The following NOS1AP variants were observed in gnomAD, a reference collection of about 807,000 sequenced individuals.
NOS1AP encodes carboxyl-terminal PDZ ligand of neuronal nitric oxide synthase protein.
NOS1AP carries 21 observed loss-of-function variants against 56.2 expected under a neutral mutation model. That is an observed-to-expected ratio of 0.37 (90% CI 0.26 to 0.54). The LOEUF is 0.54. Ranked by LOEUF, NOS1AP falls within the 20% of genes least tolerant of loss-of-function variation. NOS1AP has a pLI of 0.84. For synonymous variants in NOS1AP, 270 were observed against 274.6 expected, an observed-to-expected ratio of 0.98 and a Z score of 0.17; for missense variants, 522 against 657.8, an observed-to-expected ratio of 0.79 and a Z score of 2.26.
intron 3 of NOS1AP, among the ~76,000 whole-genome samples, chr1:162,298,136 C>G (rs970749192): frequency 2.6e-5 from 4 of 152,216 alleles, no homozygotes; most frequent in African/African-American, 4.8e-5. Flanking sequence ...CCCAGGCCCC[C>G]GTGGCTGAGC....
intron 4 of NOS1AP, among the ~76,000 whole-genome samples, chr1:162,308,855 C>T (rs991443976): frequency 5.9e-5 from 9 of 152,270 alleles, no homozygotes; most frequent in African/African-American, 2.2e-4. Context: ...CCCAGCAACC[C>T]TGAGTGGTAG....
chr1:162,250,681 C>T (rs1232083561), intron 2 of NOS1AP, among the ~76,000 whole-genome samples: 2 of 152,180 alleles, frequency 1.3e-5, no homozygotes, highest in Non-Finnish European at 2.9e-5. Flanking sequence ...TATGGTGATG[C>T]AGTGGATGTC....
rs141704166 is a variant in NOS1AP at position 162,291,364 on chromosome 1, T to G, written c.270+3928T>G. ...TAGCTGCTTGATTGAACATTATTTGTGTGTAATAATGTCATTAAATTATGA... is the reference window on the plus strand; with the variant it reads ...TAGCTGCTTGATTGAACATTATTTGGGTGTAATAATGTCATTAAATTATGA... On this transcript the variant is annotated intron_variant, in intron 3 of 9. Coordinates refer to ENST00000361897, the MANE Select transcript of NOS1AP (RefSeq NM_014697.3). Among the ~76,000 whole-genome samples the G allele has an allele frequency of 8.5e-5, 13 of 152,298 alleles. No homozygotes were observed. The East Asian group carries it at 2.5e-3, about 29-fold the overall frequency.
chr1:162,359,452 A>T (rs1269657172), intron 8 of NOS1AP, among the ~76,000 whole-genome samples: 2 of 152,166 alleles, frequency 1.3e-5, no homozygotes, highest in Admixed American at 1.3e-4. Context: ...GGACCACAGC[A>T]GGGATATTGT....
chr1:162,249,483 T>G (rs367641772), intron 2 of NOS1AP, among the ~76,000 whole-genome samples: 2 of 152,164 alleles, frequency 1.3e-5, no homozygotes, highest in African/African-American at 4.8e-5. Flanking sequence ...TGCAGCAGTT[T>G]TGTTACTTCA....
chr1:162,176,218 G>A (rs542413186), intron 2 of NOS1AP, among the ~76,000 whole-genome samples: 2 of 152,140 alleles, frequency 1.3e-5, no homozygotes, highest in South Asian at 4.1e-4. Context: ...GTGCTATAAA[G>A]TTCTGTGGGT....
chr1:162,172,424 T>A (rs1650834660), intron 2 of NOS1AP, among the ~76,000 whole-genome samples: 1 of 152,182 alleles, frequency 6.6e-6, no homozygotes, highest in Non-Finnish European at 1.5e-5. Flanking sequence ...TATCCCAGTC[T>A]GGAGTGGGGG....
intron 3 of NOS1AP, among the ~76,000 whole-genome samples, chr1:162,298,142 T>G (rs1458865422): frequency 6.6e-6 from 1 of 152,220 alleles, no homozygotes; most frequent in African/African-American, 2.4e-5. Flanking sequence ...CCCCCGTGGC[T>G]GAGCCGGAGC....
At chr1:162,364,794 C>A (rs1306295280) in intron 8 of NOS1AP, 1 of 987,128 alleles carries the variant, frequency 1.0e-6, no homozygotes, top group Non-Finnish European at 1.2e-6. Context: ...CTGTCGCCTA[C>A]AGAGTGGCTT....
intron 2 of NOS1AP, among the ~76,000 whole-genome samples, chr1:162,210,922 C>T (rs898261833): frequency 2.0e-5 from 3 of 152,238 alleles, no homozygotes; most frequent in Non-Finnish European, 4.4e-5. Context: ...GAGTCCGCAG[C>T]TGCTGTGATG....
Position 162,082,335 on chromosome 1 carries a change from A to G in NOS1AP, c.105+12053A>G, listed in dbSNP as rs1280340818. Among the ~76,000 whole-genome samples the G allele has an allele frequency of 2.0e-5, 3 of 152,182 alleles. No homozygotes were observed. The East Asian group carries it at 5.8e-4, about 29-fold the overall frequency. Reference sequence around the variant, plus strand: ...ATGTACCACATTACCTAGTCTATCTATCATTGATAGGCATGTAGGATGGTT... The same window carrying G: ...ATGTACCACATTACCTAGTCTATCTGTCATTGATAGGCATGTAGGATGGTT... On this transcript the variant is annotated intron_variant, in intron 1 of 9. Transcript: ENST00000361897.
intron 9 of NOS1AP, 172 bp from the exon 10 acceptor site, chr1:162,366,880 T>C: frequency 1.3e-6 from 1 of 742,276 alleles, no homozygotes; most frequent in South Asian, 1.6e-5. Context: ...TGTCTGGAGC[T>C]ATGTGGGGGC....
chr1:162,227,470 A>C (rs1372788497), intron 2 of NOS1AP, among the ~76,000 whole-genome samples: 1 of 152,208 alleles, frequency 6.6e-6, no homozygotes, highest in Non-Finnish European at 1.5e-5. Flanking sequence ...CACTTAGCAC[A>C]TGACAGGAGA....
chr1:162,226,079 A>G (rs7550395), intron 2 of NOS1AP, among the ~76,000 whole-genome samples: 81,459 of 151,786 alleles, frequency 0.54, 22,927 homozygotes, highest in Non-Finnish European at 0.64. Context: ...GAATCACCTG[A>G]GGTTGGGAGT....
intron 2 of NOS1AP, among the ~76,000 whole-genome samples, chr1:162,241,389 G>A (rs116771955): frequency 0.026 from 3,887 of 152,290 alleles, 70 homozygotes; most frequent in Non-Finnish European, 0.037. Context: ...TTGGGAAACT[G>A]AAGTGAGTTC....
At chr1:162,176,505 C>CTTTTTT (rs34280743) in intron 2 of NOS1AP, among the ~76,000 whole-genome samples, 21 of 87,478 alleles carry the variant, frequency 2.4e-4, no homozygotes, top group East Asian at 4.0e-4. Context: ...CATAATAGCT[C>CTTTTTT]TTTTTTTTTT....
intron 2 of NOS1AP, among the ~76,000 whole-genome samples, chr1:162,224,411 CT>C (rs933913346): frequency 3.3e-5 from 5 of 152,066 alleles, no homozygotes; most frequent in African/African-American, 1.2e-4. Flanking sequence ...AAACAATAAA[CT>C]TTTTTGACAG....
chr1:162,369,408 A>G lies in NOS1AP; in HGVS notation c.*1941A>G, dbSNP rs1647303220. The G allele has an allele frequency of 6.6e-6, 1 of 152,180 alleles. No homozygotes were observed. The highest frequency in any genetic ancestry group is 6.5e-5 in the Admixed American group (1 of 15,268). The allele number at this position is 152,180 out of a possible 1,614,324, so 9.4% of individuals were successfully genotyped here. A position where few individuals can be genotyped will look rare whatever the true frequency, so the allele number is the denominator to read the frequency against. On this transcript the variant is annotated 3_prime_UTR_variant, in exon 10 of 10. Coordinates refer to ENST00000361897, the MANE Select transcript of NOS1AP (RefSeq NM_014697.3). Reference sequence around the variant, plus strand: ...ATGAAATCTAACCCAGGGTTCCCTGAGTCCAAGACCACTTAGATTATTAAG... The same window carrying G: ...ATGAAATCTAACCCAGGGTTCCCTGGGTCCAAGACCACTTAGATTATTAAG...
intron 1 of NOS1AP, among the ~76,000 whole-genome samples, chr1:162,074,487 T>C (rs1297816289): frequency 6.6e-6 from 1 of 152,092 alleles, no homozygotes; most frequent in Non-Finnish European, 1.5e-5. Context: ...CACCCCATCA[T>C]TGTACAGATG....
Sources: gnomAD v4.1 joint callset for allele counts (sites outside exome capture counted in the v4.1 genomes callset) on GRCh38, gnomAD v4.1.1 for gene constraint, MANE v1.5 for transcripts, NCBI Gene and HGNC (gene_info 2026-07-23, HGNC 2026-07-21) for gene names.